The following LARP4 variants were observed in gnomAD, a reference collection of about 807,000 sequenced individuals.
The protein encoded by LARP4 is La ribonucleoprotein 4.
In LARP4, 29 loss-of-function variants were observed where a neutral mutation model predicts 92.9. That is an observed-to-expected ratio of 0.31 (90% CI 0.23 to 0.43). The LOEUF is 0.43. LARP4 is among the 20% of genes least tolerant of loss of function. The pLI, the probability that LARP4 is intolerant of heterozygous loss-of-function variation, is 1.00. For missense variants in LARP4, 732 were observed against 860.0 expected (o/e 0.85, Z 1.86); for synonymous variants, 279 against 284.1 (o/e 0.98, Z 0.18).
At chr12:50,453,695 A>G in intron 9 of LARP4, 23 bp downstream of exon 9, 1 of 1,383,122 alleles carries the variant, frequency 7.2e-7, no homozygotes, top group Non-Finnish European at 1.0e-6. Flanking sequence ...CTTACAATAA[A>G]ATATAATAAT....
At chr12:50,437,079 C>T (rs1169965024) in intron 5 of LARP4, among the ~76,000 whole-genome samples, 2 of 152,192 alleles carry the variant, frequency 1.3e-5, no homozygotes, top group African/African-American at 4.8e-5. Flanking sequence ...TATGCCATCA[C>T]ACTTAACTGC....
At chr12:50,467,932 G>T (rs1480493322) in intron 13 of LARP4, among the ~76,000 whole-genome samples, 13 of 151,580 alleles carry the variant, frequency 8.6e-5, no homozygotes, top group Admixed American at 8.6e-4. Context: ...ACTACTTTCA[G>T]CTCCTTAGTT....
chr12:50,466,984 C>A lies in LARP4; in HGVS notation c.1409C>A (p.Ser470Ter), dbSNP rs1289025094. Residue 470 changes from serine (S) to a stop codon, truncating the protein, a stop_gained, in exon 13 of 16, where the codon TCA becomes TAA. Transcript: ENST00000398473. LOFTEE classifies it high-confidence loss of function. Reference sequence around the variant, plus strand: ...AGACCTCATCCTTCAACAGCTGAATCAAAGGCTCCAACACCAAAGTTTGAC... The same window carrying A: ...AGACCTCATCCTTCAACAGCTGAATAAAAGGCTCCAACACCAAAGTTTGAC... Reference protein sequence around the residue: ...ISRPHPSTAESKAPTPKFDLL... With the variant: ...ISRPHPSTAE The A allele has an allele frequency of 6.2e-7, 1 of 1,611,698 alleles. No individual in the cohort carries two copies. Among genetic ancestry groups the A allele is most frequent in the South Asian group, 1.1e-5 (1 of 90,912 alleles).
chr12:50,407,647 C>A (rs989766795), intron 1 of LARP4, among the ~76,000 whole-genome samples: 1 of 151,992 alleles, frequency 6.6e-6, no homozygotes, highest in Admixed American at 6.6e-5. Context: ...GAGTTTGAGA[C>A]CAGCCTGGCC....
intron 13 of LARP4, among the ~76,000 whole-genome samples, chr12:50,472,192 A>G (rs1012678920): frequency 6.6e-6 from 1 of 152,184 alleles, no homozygotes; most frequent in East Asian, 1.9e-4. Flanking sequence ...TACACATAAC[A>G]GCGTTTACCA....
At chr12:50,436,809 A>G (rs1441766812) in intron 5 of LARP4, among the ~76,000 whole-genome samples, 1 of 152,258 alleles carries the variant, frequency 6.6e-6, no homozygotes, top group Non-Finnish European at 1.5e-5. Context: ...TAATAGACTT[A>G]CAGTGGAATA....
chr12:50,429,307 G>C (rs559295256), intron 3 of LARP4, among the ~76,000 whole-genome samples: 1 of 152,096 alleles, frequency 6.6e-6, no homozygotes. Context: ...AAAGGAAAGC[G>C]TGAAATTAAA....
chr12:50,467,255 T>C (rs1956264028), intron 13 of LARP4, 135 bp downstream of exon 13: 5 of 612,606 alleles, frequency 8.2e-6, no homozygotes, highest in Non-Finnish European at 1.3e-5. Flanking sequence ...TTCAGCATAC[T>C]TAGAGTGTTT....
intron 1 of LARP4, among the ~76,000 whole-genome samples, chr12:50,403,260 G>A (rs1944203763): frequency 6.6e-6 from 1 of 152,132 alleles, no homozygotes; most frequent in Non-Finnish European, 1.5e-5. Context: ...AAGCTTGGTT[G>A]AGGAAAAAAA....
intron 13 of LARP4, among the ~76,000 whole-genome samples, chr12:50,467,390 A>G (rs1239064009): frequency 6.6e-6 from 1 of 151,810 alleles, no homozygotes; most frequent in East Asian, 1.9e-4. Flanking sequence ...TCCTTGGTTC[A>G]AGTGATTCTC....
At chr12:50,458,974 G>A (rs978195774) in intron 10 of LARP4, among the ~76,000 whole-genome samples, 7 of 152,076 alleles carry the variant, frequency 4.6e-5, no homozygotes, top group Admixed American at 2.6e-4. Flanking sequence ...ATTTGGTGAT[G>A]GATGTTTAGT....
chr12:50,473,869 C>T, intron 14 of LARP4, 130 bp from the exon 15 acceptor site: 1 of 648,352 alleles, frequency 1.5e-6, no homozygotes, highest in Non-Finnish European at 2.6e-6. Flanking sequence ...AAGAGCATGC[C>T]ACTACACTCC....
rs1957722137 is a variant in LARP4 at position 50,479,143 on chromosome 12, T to C, written c.*3279T>C. 1 of 152,604 alleles carries C rather than the reference T, an allele frequency of 6.6e-6. No individual in the cohort carries two copies. Among genetic ancestry groups the C allele is most frequent in the South Asian group, 2.1e-4 (1 of 4,834 alleles). 9.5% of individuals were successfully genotyped at this position (152,604 alleles called of 1,614,324 possible). A position where few individuals can be genotyped will look rare whatever the true frequency, so the allele number is the denominator to read the frequency against. ...AAAAGTTAATGAACACTTCTCTAGT[T>C]TTCTTAGTTATGGCCTTAATAATTA... On this transcript the variant is annotated 3_prime_UTR_variant, in exon 16 of 16. Transcript: ENST00000398473.
intron 13 of LARP4, among the ~76,000 whole-genome samples, chr12:50,469,608 A>AT (rs1282011014): frequency 6.0e-5 from 9 of 149,454 alleles, no homozygotes; most frequent in African/African-American, 2.2e-4. Context: ...TATCAAAAAA[A>AT]AAAAAAAAAA....
intron 13 of LARP4, among the ~76,000 whole-genome samples, chr12:50,470,557 C>A (rs772411683): frequency 1.3e-5 from 2 of 152,064 alleles, no homozygotes; most frequent in Non-Finnish European, 2.9e-5. Context: ...CCTCAGCCTC[C>A]CAGGTAGCTG....
chr12:50,430,932 G>A (rs898359703), intron 4 of LARP4, among the ~76,000 whole-genome samples: 2 of 152,212 alleles, frequency 1.3e-5, no homozygotes, highest in Admixed American at 1.3e-4. Context: ...AAAGTGTCGG[G>A]ATTACAGGCG....
chr12:50,471,588 G>GT (rs1397929296), intron 13 of LARP4, among the ~76,000 whole-genome samples: 6 of 152,132 alleles, frequency 3.9e-5, no homozygotes, highest in Admixed American at 1.3e-4. Flanking sequence ...CAGCGGCATG[G>GT]TTTTGGCTTA....
chr12:50,424,840 G>C (rs928322587), intron 1 of LARP4, among the ~76,000 whole-genome samples: 2 of 151,942 alleles, frequency 1.3e-5, no homozygotes, highest in African/African-American at 4.8e-5. Flanking sequence ...TGTGTGTTTA[G>C]ATAATGATTA....
intron 8 of LARP4, among the ~76,000 whole-genome samples, chr12:50,443,586 GTTTAA>G (rs1023830416): frequency 3.3e-5 from 5 of 151,562 alleles, no homozygotes; most frequent in Admixed American, 6.6e-5. Context: ...GGATATCACT[GTTTAA>G]TTTAATTTAA....
Sources: allele counts gnomAD v4.1 joint callset (sites outside exome capture counted in the v4.1 genomes callset), GRCh38; gene constraint gnomAD v4.1.1; transcripts MANE v1.5; gene names NCBI Gene and HGNC (gene_info 2026-07-23, HGNC 2026-07-21).